Variants in PIEZO1 observed in about 807,000 individuals in gnomAD.
PIEZO1 encodes the protein piezo-type mechanosensitive ion channel component 1.
In PIEZO1, 296 loss-of-function variants were observed where a neutral mutation model predicts 297.2. The ratio of observed to expected loss-of-function variants is 1.00; its 90% CI spans 0.91 to 1.10. PIEZO1 has a LOEUF of 1.10. Ranked by LOEUF, PIEZO1 falls within the 50% of genes least tolerant of loss-of-function variation. The pLI is 0.00. For synonymous variants in PIEZO1, 2,427 were observed against 1,507.5 expected (o/e 1.61, Z -14.13); for missense variants, 5,018 against 3,455.5 (o/e 1.45, Z -11.34).
intron 1 of PIEZO1, among the ~76,000 whole-genome samples, chr16:88,779,360 G>GTC (rs1907821836): frequency 1.3e-5 from 2 of 152,170 alleles, no homozygotes; most frequent in Non-Finnish European, 2.9e-5. Flanking sequence ...TTTGGACGGC[G>GTC]TCGGGGGAGC....
Position 88,746,572 on chromosome 16 carries a change from C to T in PIEZO1, c.160+2812G>A, listed in dbSNP as rs534561573. Among the ~76,000 whole-genome samples, 141 of 152,288 alleles carry T rather than the reference C, an allele frequency of 9.3e-4. 1 individual carries two copies. The highest frequency in any genetic ancestry group is 3.3e-3 in the African/African-American group (136 of 41,546). On this transcript the variant is annotated intron_variant, in intron 2 of 50. Transcript: ENST00000301015. ...CAAGGCTCAGATGGCGTCAGAGCTTCCACCAGGGCCACGCCAAGCCCAGCA... is the reference window on the plus strand; with the variant it reads ...CAAGGCTCAGATGGCGTCAGAGCTTTCACCAGGGCCACGCCAAGCCCAGCA...
At chr16:88,749,135 G>T (rs1051137775) in intron 2 of PIEZO1, among the ~76,000 whole-genome samples, 5 of 151,848 alleles carry the variant, frequency 3.3e-5, no homozygotes, top group African/African-American at 1.2e-4. Flanking sequence ...AGCTACCCGG[G>T]AGGCTGAGGC....
At chr16:88,720,965 C>A (rs939741380) in intron 39 of PIEZO1, among the ~76,000 whole-genome samples, 2 of 152,284 alleles carry the variant, frequency 1.3e-5, no homozygotes, top group South Asian at 2.1e-4. Flanking sequence ...TCACCCTACA[C>A]GTGGGGAGCA....
chr16:88,736,973 G>T (rs1185625078), intron 10 of PIEZO1: 1 of 439,298 alleles, frequency 2.3e-6, no homozygotes, highest in Non-Finnish European at 4.1e-6. Flanking sequence ...GAAAGGGTGG[G>T]AAAGGTGGCC....
intron 2 of PIEZO1, chr16:88,745,699 A>G (rs1160256171): frequency 6.9e-6 from 1 of 145,042 alleles, no homozygotes; most frequent in Non-Finnish European, 1.5e-5. Flanking sequence ...CAGTGAGTTG[A>G]GATCGCGCCA....
intron 26 of PIEZO1, 23 bp from the exon 27 acceptor site, chr16:88,726,478 G>T (rs922052976): frequency 1.3e-6 from 2 of 1,548,488 alleles, no homozygotes; most frequent in Non-Finnish European, 1.7e-6. Flanking sequence ...CACCGGCAAG[G>T]GTCAGGCCCA....
chr16:88,767,810 A>G (rs1237070117), intron 1 of PIEZO1, among the ~76,000 whole-genome samples: 2 of 151,818 alleles, frequency 1.3e-5, no homozygotes, highest in Non-Finnish European at 2.9e-5. Context: ...TACAGCCCCG[A>G]GTCAGGACTA....
rs1396439873 is a variant in PIEZO1 at position 88,716,760 on chromosome 16, G to A, written c.6754-29C>T. The stretch of plus-strand genomic sequence containing the variant: ...GGTACAAGTGACACCCTCAGTGACT[G>A]CAGCCGCCTCCCCACACCAGCTTTC... On this transcript the variant is annotated intron_variant, in intron 46 of 50. Coordinates refer to ENST00000301015, the MANE Select transcript of PIEZO1 (RefSeq NM_001142864.4). 5 of 1,548,636 alleles carry A rather than the reference G, an allele frequency of 3.2e-6. No individual in the cohort carries two copies. The South Asian group carries it at 3.6e-5, about 11-fold the overall frequency.
intron 30 of PIEZO1, among the ~76,000 whole-genome samples, chr16:88,724,804 G>A (rs1328398081): frequency 6.6e-6 from 1 of 152,128 alleles, no homozygotes; most frequent in Non-Finnish European, 1.5e-5. Flanking sequence ...TGTTGGAAGG[G>A]CTGGGGCATA....
At chr16:88,762,660 G>C (rs892101578) in intron 1 of PIEZO1, among the ~76,000 whole-genome samples, 1 of 152,208 alleles carries the variant, frequency 6.6e-6, no homozygotes, top group African/African-American at 2.4e-5. Context: ...CAGCCCACAA[G>C]TGCTGTGTCG....
At position 88,731,911 on chromosome 16, in the gene PIEZO1, C is replaced by CTGGGGTGGGGGGGGTG. The variant is rs2142804457; in HGVS notation, c.2992-2_2992-1insCACCCCCCCCACCCCA. 1.2e-6 allele frequency: 1 copy of CTGGGGTGGGGGGGGTG among 863,918 alleles called. No homozygotes were observed. Among genetic ancestry groups the CTGGGGTGGGGGGGGTG allele is most frequent in the Non-Finnish European group, 1.5e-6 (1 of 682,018 alleles). 53.5% of individuals were successfully genotyped at this position (863,918 alleles called of 1,614,324 possible). On this transcript the variant is annotated splice_acceptor_variant, in intron 21 of 50. Coordinates refer to ENST00000301015, the MANE Select transcript of PIEZO1 (RefSeq NM_001142864.4). LOFTEE classifies it high-confidence loss of function. ...CGTTCACGGCCATCAGGAAGCAGAT[C>CTGGGGTGGGGGGGGTG]TGGGGAGGGGAGAGGGCGGGGTGTG...
Position 88,738,222 on chromosome 16 carries a change from G to T in PIEZO1, c.848+5C>A, listed in dbSNP as rs978317004. On this transcript the variant is annotated splice_donor_5th_base_variant and intron_variant, in intron 7 of 50. Coordinates refer to ENST00000301015, the MANE Select transcript of PIEZO1 (RefSeq NM_001142864.4). Reference sequence around the variant, plus strand: ...GGAAAAAGGGGCTGTGTGGCAAGCCGTTACCTAGCCCAGATGCCGGCAGGC... The same window carrying T: ...GGAAAAAGGGGCTGTGTGGCAAGCCTTTACCTAGCCCAGATGCCGGCAGGC... 1 of 1,535,376 alleles carries T rather than the reference G, an allele frequency of 6.5e-7. No individual in the cohort carries two copies. The highest frequency in any genetic ancestry group is 2.0e-5 in the Admixed American group (1 of 51,004).
intron 1 of PIEZO1, among the ~76,000 whole-genome samples, chr16:88,770,536 C>T (rs919988612): frequency 1.3e-5 from 2 of 152,222 alleles, no homozygotes; most frequent in Non-Finnish European, 2.9e-5. Flanking sequence ...TGCAGTCCAT[C>T]GGGAGAGGTG....
At chr16:88,736,049 G>A in intron 12 of PIEZO1, 99 bp downstream of exon 12, 2 of 1,225,400 alleles carry the variant, frequency 1.6e-6, no homozygotes, top group Admixed American at 2.3e-5. Context: ...CTGCCTTCTT[G>A]GCGCTGCCAC....
chr16:88,779,512 C>T (rs1486570898), intron 1 of PIEZO1, among the ~76,000 whole-genome samples: 1 of 152,212 alleles, frequency 6.6e-6, no homozygotes, highest in Non-Finnish European at 1.5e-5. Flanking sequence ...AGCTCCAGCC[C>T]CACCCCAACA....
At position 88,725,428 on chromosome 16, in the gene PIEZO1, C is replaced by T. The variant is rs766577826; in HGVS notation, c.4150G>A (p.Gly1384Ser). 1.2e-5 allele frequency: 18 copies of T among 1,461,052 alleles called. No individual in the cohort carries two copies. Among genetic ancestry groups the T allele is most frequent in the Middle Eastern group, 1.9e-4 (1 of 5,280 alleles). The allele number at this position is 1,461,052 out of a possible 1,614,324, so 90.5% of individuals were successfully genotyped here. A position where few individuals can be genotyped will look rare whatever the true frequency, so the allele number is the denominator to read the frequency against. The change falls in exon 29 of 51, where the codon GGC (glycine) becomes AGC (serine). Residue 1384 changes from glycine (G) to serine (S), a missense_variant. Physicochemically the swap from Gly to Ser is moderately conservative, Grantham distance 56 (BLOSUM62 0). Coordinates refer to ENST00000301015, the MANE Select transcript of PIEZO1 (RefSeq NM_001142864.4). The part of the protein sequence containing the change: ...PQDTLGPKDP[G>S]LEPGPDSPGG... ...CAGCTGCACTCACCTGGCTCCAGGC[C>T]GGGGTCCTTGGGGCCCAGGGTGTCC...
chr16:88,753,808 TG>T (rs1401123263), intron 1 of PIEZO1, among the ~76,000 whole-genome samples: 1 of 152,236 alleles, frequency 6.6e-6, no homozygotes, highest in African/African-American at 2.4e-5. Context: ...GCAGGCTGCC[TG>T]GAGGAGACGG....
At chr16:88,753,244 C>A (rs1161308859) in intron 1 of PIEZO1, among the ~76,000 whole-genome samples, 2 of 60,678 alleles carry the variant, frequency 3.3e-5, no homozygotes, top group African/African-American at 1.3e-4. Context: ...ACCAGCCCCC[C>A]CAGAGCGCAC....
At chr16:88,756,128 C>T (rs1271296126) in intron 1 of PIEZO1, among the ~76,000 whole-genome samples, 2 of 152,098 alleles carry the variant, frequency 1.3e-5, no homozygotes, top group East Asian at 1.9e-4. Flanking sequence ...GCTCTGCGGC[C>T]GCCATCTGGG....
Sources: gnomAD v4.1 joint callset for allele counts (sites outside exome capture counted in the v4.1 genomes callset) on GRCh38, gnomAD v4.1.1 for gene constraint, MANE v1.5 for transcripts, NCBI Gene and HGNC (gene_info 2026-07-23, HGNC 2026-07-21) for gene names.